The following ZMYND11 variants were observed in gnomAD, a reference collection of about 807,000 sequenced individuals.
ZMYND11 encodes zinc finger MYND-type containing 11, also known as zinc finger MYND domain-containing protein 11.
ZMYND11 carries 9 observed loss-of-function variants against 84.9 expected under a neutral mutation model. The observed-to-expected ratio is 0.11, with a 90% CI of 0.06 to 0.18. The LOEUF (loss-of-function observed/expected upper bound fraction) is 0.18. ZMYND11 is among the 10% of genes least tolerant of loss of function. ZMYND11 has a pLI of 1.00. For synonymous variants in ZMYND11, 250 were observed against 244.1 expected (o/e 1.02, Z -0.23); for missense variants, 409 against 761.0 (o/e 0.54, Z 5.44).
At chr10:213,090 C>CT (rs1346939307) in intron 3 of ZMYND11, among the ~76,000 whole-genome samples, 3 of 152,052 alleles carry the variant, frequency 2.0e-5, no homozygotes, top group African/African-American at 7.2e-5. Context: ...GCTTTGTGTA[C>CT]TTTTTTTAAT....
chr10:194,159 AT>A (rs889062554), intron 2 of ZMYND11, among the ~76,000 whole-genome samples: 22 of 137,562 alleles, frequency 1.6e-4, no homozygotes, highest in East Asian at 4.3e-4. Flanking sequence ...TAATTTTTGA[AT>A]TTTTTTTTTG....
chr10:149,910 A>G (rs1839902131), intron 1 of ZMYND11, among the ~76,000 whole-genome samples: 1 of 151,754 alleles, frequency 6.6e-6, no homozygotes, highest in South Asian at 2.1e-4. Flanking sequence ...ATGCTGGATT[A>G]CGTTTATTGA....
At chr10:228,542 G>C (rs1440091502) in intron 4 of ZMYND11, among the ~76,000 whole-genome samples, 1 of 152,216 alleles carries the variant, frequency 6.6e-6, no homozygotes, top group Non-Finnish European at 1.5e-5. Flanking sequence ...CAGAAGCGAT[G>C]AGAGGGAGTG....
At chr10:139,182 A>G (rs1328026171) in intron 1 of ZMYND11, among the ~76,000 whole-genome samples, 1 of 152,228 alleles carries the variant, frequency 6.6e-6, no homozygotes, top group African/African-American at 2.4e-5. Flanking sequence ...TAAAATACAC[A>G]GTGTGAGAGT....
At chr10:204,546 A>G (rs1354025096) in intron 2 of ZMYND11, among the ~76,000 whole-genome samples, 1 of 152,136 alleles carries the variant, frequency 6.6e-6, no homozygotes. Context: ...TGGGTTTTCT[A>G]GATACATGAT....
chr10:244,906 AATACTCTTACAG>A (rs1049966343), intron 10 of ZMYND11, among the ~76,000 whole-genome samples: 5 of 152,264 alleles, frequency 3.3e-5, no homozygotes, highest in Admixed American at 3.3e-4. Context: ...AAATAAGGAA[AATACTCTTACAG>A]ATACAAGTTC....
chr10:233,049 C>T (rs893265773), intron 4 of ZMYND11, among the ~76,000 whole-genome samples: 2 of 152,170 alleles, frequency 1.3e-5, no homozygotes, highest in South Asian at 2.1e-4. Flanking sequence ...TGCGCTTGTC[C>T]GTGTTTACAT....
At chr10:246,376 C>T (rs764416408) in intron 10 of ZMYND11, among the ~76,000 whole-genome samples, 1 of 152,168 alleles carries the variant, frequency 6.6e-6, no homozygotes, top group Non-Finnish European at 1.5e-5. Context: ...TATTAGTTTA[C>T]AGTATTCAGA....
At chr10:172,751 A>G (rs1469284767) in intron 1 of ZMYND11, among the ~76,000 whole-genome samples, 1 of 152,186 alleles carries the variant, frequency 6.6e-6, no homozygotes, top group Non-Finnish European at 1.5e-5. Flanking sequence ...CTGATTCTAA[A>G]GTTTATATGC....
At chr10:185,812 T>TC (rs1938189690) in intron 2 of ZMYND11, among the ~76,000 whole-genome samples, 1 of 13,734 alleles carries the variant, frequency 7.3e-5, no homozygotes. Context: ...AAACTCCGTC[T>TC]CAAAAAAACA....
rs781285107 is a variant in ZMYND11 at position 249,101 on chromosome 10, C to A, written c.1686+13C>A. 1 of 1,614,014 alleles carries A rather than the reference C, an allele frequency of 6.2e-7. No individual in the cohort carries two copies. Among genetic ancestry groups the A allele is most frequent in the Admixed American group, 1.7e-5 (1 of 60,014 alleles). Reference sequence around the variant, plus strand: ...GAAGAAGCAGTGGGTAAATACCAGTCTTTTTTAGACCCTTATTTCTGAAAA... The same window carrying A: ...GAAGAAGCAGTGGGTAAATACCAGTATTTTTTAGACCCTTATTTCTGAAAA... On this transcript the variant is annotated intron_variant, in intron 14 of 14. Transcript: ENST00000381604.
chr10:238,645 C>T (rs1378391957), intron 6 of ZMYND11, among the ~76,000 whole-genome samples: 2 of 152,134 alleles, frequency 1.3e-5, no homozygotes, highest in Admixed American at 6.5e-5. Flanking sequence ...CGTGAGCCAC[C>T]GCGCCCGGCC....
chr10:242,456 CCATATTCA>C (rs1239056378), intron 10 of ZMYND11, among the ~76,000 whole-genome samples: 4 of 152,038 alleles, frequency 2.6e-5, no homozygotes, highest in African/African-American at 4.8e-5. Context: ...ATTACCATTA[CCATATTCA>C]CAGTTACTCT....
At chr10:191,215 G>T (rs1021193732) in intron 2 of ZMYND11, among the ~76,000 whole-genome samples, 1 of 152,144 alleles carries the variant, frequency 6.6e-6, no homozygotes, top group African/African-American at 2.4e-5. Flanking sequence ...TGTTGATAAA[G>T]CTTAGGAAGG....
chr10:133,362 ATC>A (rs1554750411), upstream of ZMYND11, among the ~76,000 whole-genome samples: 5 of 152,174 alleles, frequency 3.3e-5, no homozygotes, highest in African/African-American at 1.2e-4. Context: ...ATTCGTATTC[ATC>A]TTAGTGGATA....
At chr10:153,953 A>G (rs552474353) in intron 1 of ZMYND11, among the ~76,000 whole-genome samples, 1 of 152,222 alleles carries the variant, frequency 6.6e-6, no homozygotes, top group African/African-American at 2.4e-5. Context: ...TTTGAACATG[A>G]GACAGCCAGC....
intron 4 of ZMYND11, among the ~76,000 whole-genome samples, chr10:222,545 T>G (rs986175567): frequency 6.6e-6 from 1 of 152,190 alleles, no homozygotes; most frequent in African/African-American, 2.4e-5. Context: ...AAGAAATTAG[T>G]GTAAGTGGTG....
chr10:237,485 TA>T, intron 5 of ZMYND11, 99 bp from the exon 6 acceptor site: 1 of 707,262 alleles, frequency 1.4e-6, no homozygotes, highest in Non-Finnish European at 2.2e-6. Flanking sequence ...TCTACAAAAA[TA>T]AAAAATAAAA....
chr10:168,592 TCCATGGTTTACAG>T (rs1554764646), intron 1 of ZMYND11, among the ~76,000 whole-genome samples: 1 of 152,116 alleles, frequency 6.6e-6, no homozygotes, highest in Non-Finnish European at 1.5e-5. Flanking sequence ...AAAAAGTGAT[TCCATGGTTTACAG>T]CCTGGCATGT....
Sources: allele counts gnomAD v4.1 joint callset (sites outside exome capture counted in the v4.1 genomes callset), GRCh38; gene constraint gnomAD v4.1.1; transcripts MANE v1.5; gene names NCBI Gene and HGNC (gene_info 2026-07-23, HGNC 2026-07-21).